The following EXT2 variants were observed in gnomAD, a reference collection of about 807,000 sequenced individuals.
EXT2 encodes exostosin-2.
EXT2 carries 53 observed loss-of-function variants against 81.6 expected under a neutral mutation model. That is an observed-to-expected ratio of 0.65 (90% CI 0.52 to 0.82). The LOEUF (loss-of-function observed/expected upper bound fraction) is 0.82, where lower values mean the gene tolerates loss of function less well. Ranked by LOEUF, EXT2 falls within the 40% of genes least tolerant of loss-of-function variation. The pLI is 0.00. For missense variants in EXT2, 774 were observed against 910.2 expected (o/e 0.85, Z 1.93); for synonymous variants, 320 against 340.0 (o/e 0.94, Z 0.65).
intron 6 of EXT2, among the ~76,000 whole-genome samples, chr11:44,128,910 C>T (rs1590573600): frequency 6.6e-6 from 1 of 152,334 alleles, no homozygotes; most frequent in African/African-American, 2.4e-5. Context: ...GCTGAGGATA[C>T]GCTGGTGAGT....
chr11:44,230,329 G>A (rs545106538), intron 10 of EXT2, among the ~76,000 whole-genome samples: 1 of 152,276 alleles, frequency 6.6e-6, no homozygotes, highest in African/African-American at 2.4e-5. Context: ...GACATGTGAA[G>A]GAGTTCGGAT....
Position 44,240,879 on chromosome 11 carries a change from T to C in EXT2, c.2019-3270T>C, listed in dbSNP as rs188895470. Among the ~76,000 whole-genome samples, 255 of 152,338 alleles carry C rather than the reference T, an allele frequency of 1.7e-3. 3 individuals are homozygous for C. The highest frequency in any genetic ancestry group is 5.9e-3 in the African/African-American group (245 of 41,570). ...ATCCTTCCTTCCTCTTCCCTCCCCCTGTCTTTGGCTGGTCTCCTGGCCTCA... is the reference window on the plus strand; with the variant it reads ...ATCCTTCCTTCCTCTTCCCTCCCCCCGTCTTTGGCTGGTCTCCTGGCCTCA... On this transcript the variant is annotated intron_variant, in intron 13 of 13. Transcript: ENST00000533608.
intron 6 of EXT2, among the ~76,000 whole-genome samples, chr11:44,128,185 T>G (rs1038989928): frequency 1.3e-5 from 2 of 152,122 alleles, no homozygotes; most frequent in South Asian, 2.1e-4. Flanking sequence ...GAAACCCTCT[T>G]GTGAGTAACA....
intron 11 of EXT2, among the ~76,000 whole-genome samples, chr11:44,233,888 C>T (rs1053500980): frequency 1.1e-4 from 17 of 152,200 alleles, no homozygotes; most frequent in South Asian, 4.1e-4. Flanking sequence ...CATTTTTCTT[C>T]TACTTTAAAA....
In EXT2 at chr11:44,107,686, T is replaced by C. The variant is rs1413848120; in HGVS notation, c.-27T>C. The C allele has an allele frequency of 6.2e-7, 1 of 1,606,578 alleles. No individual in the cohort carries two copies. Among genetic ancestry groups the C allele is most frequent in the Non-Finnish European group, 8.5e-7 (1 of 1,174,088 alleles). On this transcript the variant is annotated 5_prime_UTR_variant, in exon 2 of 14. Transcript: ENST00000533608. ...TATTTCTCTCCCTGGTGACCAGGAG[T>C]GTGAGGAAGAGGCTGTCTGTGTCAT... is the stretch of plus-strand genomic sequence containing the variant.
At chr11:44,116,380 A>G (rs1954220915) in intron 4 of EXT2, 2 of 152,242 alleles carry the variant, frequency 1.3e-5, no homozygotes, top group South Asian at 4.1e-4. Flanking sequence ...ATATTTCATC[A>G]TATGAATATA....
At chr11:44,127,495 A>T (rs1954425675) in intron 6 of EXT2, among the ~76,000 whole-genome samples, 1 of 152,328 alleles carries the variant, frequency 6.6e-6, no homozygotes, top group African/African-American at 2.4e-5. Flanking sequence ...TCCTTATGAG[A>T]ATTTAACTAA....
intron 8 of EXT2, among the ~76,000 whole-genome samples, chr11:44,178,303 C>T (rs182810544): frequency 2.7e-4 from 41 of 152,316 alleles, no homozygotes; most frequent in Admixed American, 1.4e-3. Context: ...GATATTGATG[C>T]TGCTGGTCCA....
chr11:44,206,366 T>G (rs1014139583), intron 9 of EXT2, among the ~76,000 whole-genome samples: 1 of 152,110 alleles, frequency 6.6e-6, no homozygotes, highest in East Asian at 1.9e-4. Context: ...GTGGGTAGAG[T>G]TCTGATATTA....
At chr11:44,185,769 C>T (rs1040076853) in intron 8 of EXT2, among the ~76,000 whole-genome samples, 2 of 152,160 alleles carry the variant, frequency 1.3e-5, no homozygotes, top group African/African-American at 4.8e-5. Context: ...AATCACTCCC[C>T]AAAGTTCTTA....
At chr11:44,161,247 G>T (rs1954923411) in intron 7 of EXT2, among the ~76,000 whole-genome samples, 1 of 152,118 alleles carries the variant, frequency 6.6e-6, no homozygotes, top group Non-Finnish European at 1.5e-5. Flanking sequence ...ACTTATTACT[G>T]AGGAAAGAAA....
chr11:44,177,658 G>A (rs1394355296), intron 8 of EXT2, among the ~76,000 whole-genome samples: 1 of 152,074 alleles, frequency 6.6e-6, no homozygotes, highest in East Asian at 1.9e-4. Flanking sequence ...TTTCTATGAT[G>A]TGATTTAAAA....
intron 7 of EXT2, chr11:44,144,187 C>T (rs1954684243): frequency 6.9e-7 from 1 of 1,448,968 alleles, no homozygotes; most frequent in African/African-American, 1.4e-5. Flanking sequence ...CCAAGTTGTG[C>T]TCTTATTTAT....
At chr11:44,235,905 C>T (rs745381234) in intron 12 of EXT2, among the ~76,000 whole-genome samples, 4 of 152,290 alleles carry the variant, frequency 2.6e-5, no homozygotes, top group East Asian at 1.9e-4. Context: ...GGAGAAAGAG[C>T]GCCTGTTGGA....
At chr11:44,139,440 G>T (rs1954615701) in intron 7 of EXT2, among the ~76,000 whole-genome samples, 1 of 152,012 alleles carries the variant, frequency 6.6e-6, no homozygotes, top group Non-Finnish European at 1.5e-5. Flanking sequence ...TAAAAATAAA[G>T]GACATTTTTA....
intron 4 of EXT2, among the ~76,000 whole-genome samples, chr11:44,120,845 A>G (rs1464238806): frequency 1.3e-5 from 2 of 152,230 alleles, no homozygotes; most frequent in Non-Finnish European, 2.9e-5. Context: ...GGAGTTTACA[A>G]CTGTTACTAT....
chr11:44,128,069 C>A (rs1954435589), intron 6 of EXT2, among the ~76,000 whole-genome samples: 1 of 152,154 alleles, frequency 6.6e-6, no homozygotes, highest in South Asian at 2.1e-4. Flanking sequence ...CCTCTCCCAA[C>A]TTTTTTGGTA....
chr11:44,189,642 G>A (rs1264144444), intron 8 of EXT2, among the ~76,000 whole-genome samples: 1 of 152,142 alleles, frequency 6.6e-6, no homozygotes, highest in Non-Finnish European at 1.5e-5. Context: ...AGAACAGCAA[G>A]GGGGAAACCC....
chr11:44,207,017 G>T, intron 10 of EXT2, 58 bp downstream of exon 10: 1 of 1,549,396 alleles, frequency 6.5e-7, no homozygotes. Flanking sequence ...ATGACTGCTT[G>T]TCTTTTCTAA....
Sources: gnomAD v4.1 joint callset for allele counts (sites outside exome capture counted in the v4.1 genomes callset) on GRCh38, gnomAD v4.1.1 for gene constraint, MANE v1.5 for transcripts, NCBI Gene and HGNC (gene_info 2026-07-23, HGNC 2026-07-21) for gene names.